The following IL3RA variants were observed in gnomAD, a reference collection of about 807,000 sequenced individuals.
IL3RA encodes the protein interleukin-3 receptor subunit alpha.
IL3RA carries 73 observed loss-of-function variants against 52.3 expected under a neutral mutation model. That is an observed-to-expected ratio of 1.40 (90% CI 1.16 to 1.70). IL3RA has a LOEUF of 1.70. IL3RA is among the 40% of genes most tolerant of loss of function. The pLI is 0.00. For synonymous variants in IL3RA, 260 were observed against 194.0 expected, an observed-to-expected ratio of 1.34 and a Z score of -2.83; for missense variants, 664 against 504.4, an observed-to-expected ratio of 1.32 and a Z score of -3.03.
chrX:1,358,970 ATAT>A (rs2086947877), intron 8 of IL3RA, 83 bp downstream of exon 8: 1 of 935,118 alleles, frequency 1.1e-6, no homozygotes, highest in Non-Finnish European at 1.5e-6. Context: ...ATGATAAAAA[ATAT>A]TAATAATTCT....
intron 4 of IL3RA, among the ~76,000 whole-genome samples, chrX:1,351,291 G>A (rs1333735216): frequency 4.6e-5 from 7 of 151,800 alleles, no homozygotes; most frequent in Non-Finnish European, 8.8e-5. Flanking sequence ...ATCTACCATG[G>A]TCTCAAAATA....
chrX:1,376,692 C>T (rs1346696516), intron 9 of IL3RA, among the ~76,000 whole-genome samples: 9 of 145,534 alleles, frequency 6.2e-5, no homozygotes, highest in Non-Finnish European at 1.2e-4. Context: ...GAGGAACCAG[C>T]CCTGCCCACA....
chrX:1,341,676 C>T, intron 1 of IL3RA, 52 bp from the exon 2 acceptor site: 1 of 1,465,002 alleles, frequency 6.8e-7, no homozygotes, highest in South Asian at 1.2e-5. Context: ...TCATTACCCG[C>T]AACCCAGTTT....
intron 7 of IL3RA, 112 bp from the exon 8 acceptor site, chrX:1,358,749 A>G: frequency 8.7e-7 from 1 of 1,145,842 alleles, no homozygotes; most frequent in Non-Finnish European, 1.3e-6. Flanking sequence ...AGGCCTTCCC[A>G]GAGCCCTCAC....
chrX:1,365,418 AGCGGGGTGAGCGGGGTGC>A, intron 9 of IL3RA, among the ~76,000 whole-genome samples, 166 bp downstream of exon 9: 2 of 25,608 alleles, frequency 7.8e-5, no homozygotes, highest in Admixed American at 4.6e-4. Flanking sequence ...GAGCGGGGTG[AGCGGGGTGAGCGGGGTGC>A]GCGGGGTGAG....
intron 6 of IL3RA, among the ~76,000 whole-genome samples, chrX:1,355,429 G>A (rs1445331621): frequency 6.3e-4 from 76 of 121,506 alleles, no homozygotes; most frequent in Admixed American, 1.7e-3. Flanking sequence ...AGGAGGGGAG[G>A]GGAGGGGAGG....
rs775975419 is a variant in IL3RA, at chrX:1,362,496, CTCTG to C, written c.760-2638_760-2635del. On this transcript the variant is annotated intron_variant, in intron 8 of 11. Coordinates refer to ENST00000331035, the MANE Select transcript of IL3RA (RefSeq NM_002183.4). ...TCTCTCTCTGTCCATCACCCACTATCTCTGTCTATGTCTGTTTTTCTGTCTCTGT... is the reference window on the plus strand; with the variant it reads ...TCTCTCTCTGTCCATCACCCACTATCTCTATGTCTGTTTTTCTGTCTCTGT... 8.2e-3 allele frequency among the ~76,000 whole-genome samples: 1,247 copies of C among 151,362 alleles called. 18 individuals carry two copies. Among genetic ancestry groups the C allele is most frequent in the African/African-American group, 0.027 (1,122 of 40,938 alleles).
At position 1,376,885 on chromosome X, in the gene IL3RA, C is replaced by G. The variant is rs867584720; in HGVS notation, c.875-1774C>G. 1.1e-3 allele frequency among the ~76,000 whole-genome samples: 108 copies of G among 102,426 alleles called. 5 individuals carry two copies. The East Asian group carries it at 0.02, about 19-fold the overall frequency. The allele number at this position is 102,426 out of a possible 152,430, so 67.2% of individuals were successfully genotyped here. Reference sequence around the variant, plus strand: ...CCTGTGGGACACAGGGAGAAGACGGCGTCTCCAAGCCCAGGAGAGGGGCCT... The same window carrying G: ...CCTGTGGGACACAGGGAGAAGACGGGGTCTCCAAGCCCAGGAGAGGGGCCT... On this transcript the variant is annotated intron_variant, in intron 9 of 11. Transcript: ENST00000331035.
At chrX:1,360,818 G>A (rs1374228438) in intron 8 of IL3RA, among the ~76,000 whole-genome samples, 7 of 150,898 alleles carry the variant, frequency 4.6e-5, no homozygotes, top group Admixed American at 2.6e-4. Context: ...GTGAGCCACC[G>A]TGCCCGGCCC....
chrX:1,339,796 A>AAAAAC (rs1320785755), intron 1 of IL3RA, among the ~76,000 whole-genome samples: 4 of 152,130 alleles, frequency 2.6e-5, no homozygotes, highest in East Asian at 1.9e-4. Context: ...CCATCTCAGA[A>AAAAAC]AAAACAAAAC....
At chrX:1,379,726 A>C (rs1364095120) in intron 10 of IL3RA, among the ~76,000 whole-genome samples, 1 of 152,094 alleles carries the variant, frequency 6.6e-6, no homozygotes, top group Non-Finnish European at 1.5e-5. Context: ...GACCAACTCG[A>C]GGTTTTTGGT....
Position 1,352,085 on chromosome X carries a change from T to C in IL3RA, c.299-15T>C, listed in dbSNP as rs772419481. The C allele has an allele frequency of 1.9e-6, 3 of 1,613,110 alleles. No homozygotes were observed. The highest frequency in any genetic ancestry group is 1.7e-5 in the Admixed American group (1 of 59,844). On this transcript the variant is annotated splice_polypyrimidine_tract_variant and intron_variant, in intron 4 of 11. Transcript: ENST00000331035. ...CGGTCCCGATTCGAGTTCTCTTTCA[T>C]GTTTGTGAACCCAGGTGGGAAGCCT...
At chrX:1,347,011 A>C (rs1341824212) in intron 3 of IL3RA, among the ~76,000 whole-genome samples, 3 of 150,978 alleles carry the variant, frequency 2.0e-5, no homozygotes, top group Non-Finnish European at 1.5e-5. Context: ...TACCATGGCA[A>C]ACTGACTCTC....
At chrX:1,349,668 G>C (rs188744087) in intron 4 of IL3RA, among the ~76,000 whole-genome samples, 1 of 150,154 alleles carries the variant, frequency 6.7e-6, no homozygotes, top group Non-Finnish European at 1.5e-5. Context: ...GTTTTGTTTT[G>C]TTTGTTTTTC....
At chrX:1,344,373 G>A (rs1341567246) in intron 2 of IL3RA, among the ~76,000 whole-genome samples, 7 of 152,018 alleles carry the variant, frequency 4.6e-5, no homozygotes, top group African/African-American at 1.7e-4. Flanking sequence ...GGCGGAGGTT[G>A]TAGTGAGCCG....
intron 8 of IL3RA, 112 bp downstream of exon 8, chrX:1,358,999 GA>G: frequency 4.0e-6 from 3 of 746,266 alleles, no homozygotes; most frequent in Non-Finnish European, 5.6e-6. Flanking sequence ...ATAAAATAAT[GA>G]AAATATTATT....
At chrX:1,364,735 C>G (rs2087773773) in intron 8 of IL3RA, among the ~76,000 whole-genome samples, 1 of 151,922 alleles carries the variant, frequency 6.6e-6, no homozygotes, top group Non-Finnish European at 1.5e-5. Flanking sequence ...ACCTCAGCCT[C>G]CAAAAGTGCT....
At chrX:1,360,713 G>C (rs375965194) in intron 8 of IL3RA, among the ~76,000 whole-genome samples, 170 of 150,384 alleles carry the variant, frequency 1.1e-3, no homozygotes, top group African/African-American at 4.0e-3. Context: ...ATTTTTAGTA[G>C]AGACAGGGTT....
At chrX:1,357,408 T>A (rs1373914916) in intron 7 of IL3RA, among the ~76,000 whole-genome samples, 1 of 152,030 alleles carries the variant, frequency 6.6e-6, no homozygotes, top group Non-Finnish European at 1.5e-5. Flanking sequence ...TTGCCCAGGC[T>A]GGGGTGCAGT....
Sources: allele counts gnomAD v4.1 joint callset (sites outside exome capture counted in the v4.1 genomes callset), GRCh38; gene constraint gnomAD v4.1.1; transcripts MANE v1.5; gene names NCBI Gene and HGNC (gene_info 2026-07-23, HGNC 2026-07-21).